Variants in CCBE1 observed in about 807,000 individuals in gnomAD.
CCBE1 encodes the protein collagen and calcium-binding EGF domain-containing protein 1.
In CCBE1, 37 loss-of-function variants were observed where a neutral mutation model predicts 50.0. The ratio of observed to expected loss-of-function variants is 0.74; its 90% CI spans 0.57 to 0.97. CCBE1 has a LOEUF of 0.97. Ranked by LOEUF, CCBE1 falls within the 50% of genes least tolerant of loss-of-function variation. The pLI, the probability that CCBE1 is intolerant of heterozygous loss-of-function variation, is 0.00. For synonymous variants in CCBE1, 234 were observed against 203.7 expected (o/e 1.15, Z -1.27); for missense variants, 538 against 523.8 (o/e 1.03, Z -0.26).
intron 7 of CCBE1, among the ~76,000 whole-genome samples, chr18:59,443,473 T>C (rs537050451): frequency 6.6e-6 from 1 of 151,992 alleles, no homozygotes. Context: ...TGCCAACTTT[T>C]TTTTTTTTTT....
intron 2 of CCBE1, among the ~76,000 whole-genome samples, chr18:59,601,313 A>T (rs1432091395): frequency 6.6e-6 from 1 of 151,940 alleles, no homozygotes. Flanking sequence ...GACCAGTGGG[A>T]GGTAACTGAA....
chr18:59,613,561 C>G (rs142693260), intron 2 of CCBE1, among the ~76,000 whole-genome samples: 13 of 152,146 alleles, frequency 8.5e-5, no homozygotes, highest in African/African-American at 3.1e-4. Flanking sequence ...ATGTTCCATT[C>G]TTTTTAGACT....
intron 2 of CCBE1, among the ~76,000 whole-genome samples, chr18:59,481,222 A>C (rs1324732653): frequency 1.3e-5 from 2 of 152,228 alleles, no homozygotes; most frequent in Admixed American, 6.5e-5. Flanking sequence ...TAGCAGAAGA[A>C]TGGGGGAATG....
At chr18:59,555,929 T>A (rs949919631) in intron 2 of CCBE1, among the ~76,000 whole-genome samples, 2 of 152,192 alleles carry the variant, frequency 1.3e-5, no homozygotes, top group Non-Finnish European at 2.9e-5. Context: ...AGATTGGGGG[T>A]GTCACAGAAA....
At chr18:59,522,511 C>T (rs545180394) in intron 2 of CCBE1, among the ~76,000 whole-genome samples, 17 of 152,200 alleles carry the variant, frequency 1.1e-4, no homozygotes, top group South Asian at 4.1e-4. Flanking sequence ...AGAATTAGTG[C>T]GTGACTGGGA....
intron 2 of CCBE1, among the ~76,000 whole-genome samples, chr18:59,690,762 CAG>C (rs1390704597): frequency 1.3e-5 from 2 of 152,252 alleles, no homozygotes; most frequent in Non-Finnish European, 1.5e-5. Context: ...AGAAGTGATA[CAG>C]AACCTTCCCT....
chr18:59,585,456 CA>C (rs1375507837), intron 2 of CCBE1, among the ~76,000 whole-genome samples: 3 of 152,040 alleles, frequency 2.0e-5, no homozygotes, highest in African/African-American at 7.2e-5. Flanking sequence ...TTCCCAAAAT[CA>C]AGCTCAAGGT....
intron 2 of CCBE1, among the ~76,000 whole-genome samples, chr18:59,623,620 T>C (rs1309169568): frequency 6.6e-6 from 1 of 152,178 alleles, no homozygotes; most frequent in Non-Finnish European, 1.5e-5. Context: ...TTTCAAACTC[T>C]CACAAGTCTT....
intron 2 of CCBE1, among the ~76,000 whole-genome samples, chr18:59,592,855 A>C (rs2053292618): frequency 3.3e-5 from 5 of 152,204 alleles, no homozygotes; most frequent in Admixed American, 3.3e-4. Context: ...TGTAGGAACC[A>C]ATACAGGTCA....
chr18:59,545,419 G>A (rs1034332574), intron 2 of CCBE1, among the ~76,000 whole-genome samples: 1 of 152,032 alleles, frequency 6.6e-6, no homozygotes, highest in Non-Finnish European at 1.5e-5. Context: ...TTGTTTTCAT[G>A]GAAATGGTCA....
intron 2 of CCBE1, among the ~76,000 whole-genome samples, chr18:59,551,258 G>A (rs111737189): frequency 0.027 from 4,083 of 152,104 alleles, 191 homozygotes; most frequent in African/African-American, 0.089. Flanking sequence ...GTATGCAATT[G>A]TAACACAATG....
chr18:59,600,728 G>T (rs1264704265), intron 2 of CCBE1, among the ~76,000 whole-genome samples: 1 of 152,134 alleles, frequency 6.6e-6, no homozygotes, highest in Non-Finnish European at 1.5e-5. Context: ...GCCCACTGGG[G>T]CTGGTTACCA....
chr18:59,440,094 T>A (rs2143620724), intron 7 of CCBE1, among the ~76,000 whole-genome samples: 1 of 152,336 alleles, frequency 6.6e-6, no homozygotes, highest in African/African-American at 2.4e-5. Context: ...TGCAACCTCC[T>A]TTTTGAATCA....
chr18:59,495,696 C>T (rs1326638018), intron 2 of CCBE1, among the ~76,000 whole-genome samples: 3 of 151,286 alleles, frequency 2.0e-5, no homozygotes, highest in African/African-American at 4.9e-5. Context: ...TTTTTGCAAA[C>T]ACGTGGAAAA....
At chr18:59,629,746 T>C (rs1786135676) in intron 2 of CCBE1, among the ~76,000 whole-genome samples, 1 of 152,048 alleles carries the variant, frequency 6.6e-6, no homozygotes, top group Non-Finnish European at 1.5e-5. Context: ...CCTGAGAAGA[T>C]GGTGGATTAT....
At chr18:59,572,388 C>A (rs553786516) in intron 2 of CCBE1, among the ~76,000 whole-genome samples, 4 of 151,934 alleles carry the variant, frequency 2.6e-5, no homozygotes, top group Non-Finnish European at 5.9e-5. Context: ...TATTACAGAT[C>A]GATTTTTTGA....
At chr18:59,526,734 A>G (rs1460133346) in intron 2 of CCBE1, among the ~76,000 whole-genome samples, 1 of 152,158 alleles carries the variant, frequency 6.6e-6, no homozygotes, top group Non-Finnish European at 1.5e-5. Flanking sequence ...GTTTCAAAGA[A>G]CTTCTCGATT....
chr18:59,694,430 CTGTT>C (rs1315956931), intron 2 of CCBE1, among the ~76,000 whole-genome samples: 1 of 57,920 alleles, frequency 1.7e-5, no homozygotes, highest in Admixed American at 2.5e-4. Context: ...GGAGAGCTAA[CTGTT>C]TGGTCAACTG....
intron 2 of CCBE1, among the ~76,000 whole-genome samples, chr18:59,552,015 C>G (rs1325540687): frequency 6.6e-6 from 1 of 152,248 alleles, no homozygotes; most frequent in African/African-American, 2.4e-5. Flanking sequence ...ATGGCTGTAA[C>G]TGGCTCACAG....
Sources: gnomAD v4.1 joint callset for allele counts (sites outside exome capture counted in the v4.1 genomes callset) on GRCh38, gnomAD v4.1.1 for gene constraint, MANE v1.5 for transcripts, NCBI Gene and HGNC (gene_info 2026-07-23, HGNC 2026-07-21) for gene names.